The following ZNF407 variants were observed in gnomAD, a reference collection of about 807,000 sequenced individuals.
The protein encoded by ZNF407 is zinc finger protein 407.
A neutral mutation model predicts 131.2 loss-of-function variants in ZNF407; 17 were observed. The ratio of observed to expected loss-of-function variants is 0.13; its 90% confidence interval spans 0.09 to 0.19. ZNF407 has a LOEUF of 0.19. Ranked by LOEUF, ZNF407 falls within the 10% of genes least tolerant of loss-of-function variation. The pLI, the probability that ZNF407 is intolerant of heterozygous loss-of-function variation, is 1.00. For synonymous variants in ZNF407, 1,156 were observed against 1,062.0 expected (o/e 1.09, Z -1.72); for missense variants, 2,681 against 2,830.6 (o/e 0.95, Z 1.20).
chr18:74,677,309 T>C (rs1986433576), intron 3 of ZNF407, among the ~76,000 whole-genome samples: 1 of 152,322 alleles, frequency 6.6e-6, no homozygotes, highest in African/African-American at 2.4e-5. Context: ...AGGGCCGGTC[T>C]CGAACTCCTG....
At chr18:74,813,667 G>A (rs1970229514) in intron 4 of ZNF407, among the ~76,000 whole-genome samples, 1 of 152,132 alleles carries the variant, frequency 6.6e-6, no homozygotes, top group African/African-American at 2.4e-5. Context: ...AGTAACATGG[G>A]GGAGGAGGTG....
intron 8 of ZNF407, among the ~76,000 whole-genome samples, chr18:74,960,372 T>G (rs1468361965): frequency 1.8e-4 from 16 of 87,526 alleles, no homozygotes; most frequent in East Asian, 3.2e-4. Context: ...AGTGAGTGCT[T>G]GGTGGAGGGA....
intron 8 of ZNF407, among the ~76,000 whole-genome samples, chr18:74,989,857 A>T (rs1362667727): frequency 6.6e-6 from 1 of 151,988 alleles, no homozygotes; most frequent in African/African-American, 2.4e-5. Context: ...AAAAAAAAAA[A>T]ATTCTATTTC....
intron 4 of ZNF407, among the ~76,000 whole-genome samples, chr18:74,854,033 T>C (rs1266532256): frequency 6.6e-6 from 1 of 152,168 alleles, no homozygotes; most frequent in Non-Finnish European, 1.5e-5. Flanking sequence ...CTGTCACATA[T>C]ATAATGGTTT....
chr18:74,874,299 C>T (rs933391382), intron 4 of ZNF407, among the ~76,000 whole-genome samples: 1 of 152,234 alleles, frequency 6.6e-6, no homozygotes, highest in Non-Finnish European at 1.5e-5. Flanking sequence ...CATCCCTCAA[C>T]TGACCTATAA....
chr18:74,880,283 A>G (rs1971219967), intron 5 of ZNF407, among the ~76,000 whole-genome samples: 1 of 152,176 alleles, frequency 6.6e-6, no homozygotes, highest in Non-Finnish European at 1.5e-5. Context: ...TAAAAAAATG[A>G]GCATTTGCAC....
intron 3 of ZNF407, among the ~76,000 whole-genome samples, chr18:74,647,496 C>T (rs1479614889): frequency 6.6e-6 from 1 of 152,096 alleles, no homozygotes; most frequent in African/African-American, 2.4e-5. Context: ...TTCCTGATCC[C>T]CACAGTAGAA....
intron 1 of ZNF407, among the ~76,000 whole-genome samples, chr18:74,603,127 A>G (rs1982655006): frequency 6.6e-6 from 1 of 152,240 alleles, no homozygotes; most frequent in Non-Finnish European, 1.5e-5. Context: ...TTGGGGAGCC[A>G]GTAATAGGTT....
intron 3 of ZNF407, among the ~76,000 whole-genome samples, chr18:74,773,461 A>C (rs1433585116): frequency 6.9e-6 from 1 of 145,128 alleles, no homozygotes; most frequent in Non-Finnish European, 1.5e-5. Flanking sequence ...GTTATTAGAG[A>C]GCTTAAAGAA....
intron 7 of ZNF407, among the ~76,000 whole-genome samples, chr18:74,902,209 CG>C (rs1971534945): frequency 6.6e-6 from 1 of 152,180 alleles, no homozygotes; most frequent in South Asian, 2.1e-4. Context: ...TGCTGGCCTG[CG>C]TGGAGGTTTT....
intron 8 of ZNF407, among the ~76,000 whole-genome samples, chr18:75,054,183 C>A (rs1973534827): frequency 1.3e-5 from 2 of 152,380 alleles, no homozygotes. Flanking sequence ...ACACAAGCAG[C>A]TGCTATCGTT....
intron 5 of ZNF407, among the ~76,000 whole-genome samples, chr18:74,877,762 A>G (rs182854011): frequency 5.3e-5 from 8 of 152,316 alleles, no homozygotes; most frequent in African/African-American, 1.9e-4. Context: ...GAATTTCCAT[A>G]GTATGTTTGA....
chr18:74,874,454 G>A (rs1005592188), intron 4 of ZNF407, among the ~76,000 whole-genome samples: 2 of 152,196 alleles, frequency 1.3e-5, no homozygotes, highest in African/African-American at 4.8e-5. Context: ...GTAAGCCACA[G>A]GGCTTGGCCC....
chr18:74,648,665 G>A (rs1265663165), intron 3 of ZNF407, among the ~76,000 whole-genome samples: 2 of 152,276 alleles, frequency 1.3e-5, no homozygotes, highest in East Asian at 1.9e-4. Flanking sequence ...AATGAAAACA[G>A]GTTGATAACT....
At chr18:74,797,419 A>G (rs1411590311) in intron 4 of ZNF407, among the ~76,000 whole-genome samples, 1 of 152,228 alleles carries the variant, frequency 6.6e-6, no homozygotes, top group Non-Finnish European at 1.5e-5. Context: ...TTGGCAACCA[A>G]TGAATGGTAC....
At chr18:74,975,449 T>G (rs1262471066) in intron 8 of ZNF407, among the ~76,000 whole-genome samples, 1 of 152,238 alleles carries the variant, frequency 6.6e-6, no homozygotes, top group Non-Finnish European at 1.5e-5. Flanking sequence ...TACCAGTGAT[T>G]AAAGGTCATT....
chr18:75,063,705 C>T lies in ZNF407; in HGVS notation c.5984C>T (p.Ala1995Val), dbSNP rs559399736. Reference protein sequence around the residue: ...ASSALDALLCAVTELGEVEGR... With the variant: ...ASSALDALLCVVTELGEVEGR... ...TCAGCCCTGGATGCATTGCTCTGTG[C>T]GGTCACTGAATTAGGGGAGGTGGAG... Residue 1995 changes from alanine to valine, a missense_variant, in exon 9 of 9, where the codon GCG becomes GTG. Transcript: ENST00000299687. This position sits in a 1 kb window ranked among gnomAD's most constrained non-coding sequence, Gnocchi z 6.6. 2.6e-5 allele frequency: 42 copies of T among 1,611,882 alleles called. No individual in the cohort carries two copies. The highest frequency in any genetic ancestry group is 5.5e-5 in the South Asian group (5 of 90,886).
rs1243914878 is a variant in ZNF407, at chr18:75,064,974, C to A, written c.*506C>A. The A allele has an allele frequency of 6.5e-6, 1 of 152,798 alleles. No homozygotes were observed. Among genetic ancestry groups the A allele is most frequent in the Non-Finnish European group, 1.5e-5 (1 of 68,498 alleles). 9.5% of individuals were successfully genotyped at this position (152,798 alleles called of 1,614,324 possible). On this transcript the variant is annotated 3_prime_UTR_variant, in exon 9 of 9. Transcript: ENST00000299687. ...CTAAAAATTGCAGCTACAAGTGTTA[C>A]CATCTTGAAGCAGTCCACTTCCATT...
chr18:74,985,840 C>G (rs997534947), intron 8 of ZNF407, among the ~76,000 whole-genome samples: 1 of 152,168 alleles, frequency 6.6e-6, no homozygotes, highest in Non-Finnish European at 1.5e-5. Context: ...AACCTTAGAC[C>G]ACACTTTTTC....
Sources: gnomAD v4.1 joint callset for allele counts (sites outside exome capture counted in the v4.1 genomes callset) on GRCh38, gnomAD v4.1.1 for gene constraint, Gnocchi (gnomAD v3.1) non-coding constraint, MANE v1.5 for transcripts, NCBI Gene and HGNC (gene_info 2026-07-23, HGNC 2026-07-21) for gene names.